The following SLC4A4 variants were observed in gnomAD, a reference collection of about 807,000 sequenced individuals.
SLC4A4 encodes electrogenic sodium bicarbonate cotransporter 1.
In SLC4A4, 27 loss-of-function variants were observed where a neutral mutation model predicts 111.5. The observed-to-expected ratio is 0.24, with a 90% CI of 0.18 to 0.33. SLC4A4 has a LOEUF of 0.33. Among genes scored for constraint, SLC4A4 ranks in the 10% least tolerant of loss-of-function variants. The pLI, the probability that SLC4A4 is intolerant of heterozygous loss-of-function variation, is 1.00. For missense variants in SLC4A4, 909 were observed against 1,315.5 expected (o/e 0.69, Z 4.78); for synonymous variants, 443 against 463.4 (o/e 0.96, Z 0.57).
At chr4:71,323,570 C>G (rs1277216653) in intron 3 of SLC4A4, among the ~76,000 whole-genome samples, 1 of 151,950 alleles carries the variant, frequency 6.6e-6, no homozygotes, top group African/African-American at 2.4e-5. Flanking sequence ...CAGATATGCC[C>G]TGGTGGTTAA....
In SLC4A4 at chr4:71,266,505, A is replaced by G. The variant is rs375851546; in HGVS notation, c.253+11106A>G. Among the ~76,000 whole-genome samples the G allele has an allele frequency of 6.6e-5, 10 of 152,264 alleles. No individual in the cohort carries two copies. The East Asian group carries it at 1.2e-3, about 18-fold the overall frequency. Reference sequence around the variant, plus strand: ...TTTTTGTCACTTTCACTAATTTGTCATCTTCTTAAATGGAAAAATATTTTC... The same window carrying G: ...TTTTTGTCACTTTCACTAATTTGTCGTCTTCTTAAATGGAAAAATATTTTC... On this transcript the variant is annotated intron_variant, in intron 3 of 25. Coordinates refer to ENST00000264485, the MANE Select transcript of SLC4A4 (RefSeq NM_001098484.3).
At chr4:71,496,114 G>A (rs1306687279) in intron 15 of SLC4A4, among the ~76,000 whole-genome samples, 1 of 152,142 alleles carries the variant, frequency 6.6e-6, no homozygotes. Context: ...CACATAAAAT[G>A]TTCAGGCAGA....
chr4:71,273,926 T>C (rs1358431526), intron 3 of SLC4A4, among the ~76,000 whole-genome samples: 1 of 152,152 alleles, frequency 6.6e-6, no homozygotes, highest in African/African-American at 2.4e-5. Flanking sequence ...AGATAATCAA[T>C]ATAAAGTGCT....
intron 15 of SLC4A4, among the ~76,000 whole-genome samples, chr4:71,489,918 G>A (rs1300855700): frequency 6.6e-6 from 1 of 151,720 alleles, no homozygotes; most frequent in Admixed American, 6.6e-5. Context: ...TCTTTTTCAT[G>A]GTGGTAGGGA....
At chr4:71,242,528 G>T (rs1010844777) in intron 2 of SLC4A4, among the ~76,000 whole-genome samples, 2 of 152,074 alleles carry the variant, frequency 1.3e-5, no homozygotes, top group African/African-American at 4.8e-5. Flanking sequence ...AATGGAGCAT[G>T]TCATTCACCT....
chr4:71,106,498 C>T (rs1742923286), intron 2 of SLC4A4, among the ~76,000 whole-genome samples: 1 of 144,848 alleles, frequency 6.9e-6, no homozygotes, highest in Non-Finnish European at 1.5e-5. Flanking sequence ...GCATTATTCA[C>T]AATAGCAAAG....
chr4:71,176,356 A>C (rs1453386006), intron 2 of SLC4A4, among the ~76,000 whole-genome samples: 1 of 152,236 alleles, frequency 6.6e-6, no homozygotes, highest in Non-Finnish European at 1.5e-5. Flanking sequence ...TGAGAGAAGA[A>C]GGCTTCAGGT....
intron 16 of SLC4A4, among the ~76,000 whole-genome samples, chr4:71,516,182 G>T (rs1286575118): frequency 3.2e-5 from 4 of 123,562 alleles, no homozygotes; most frequent in Non-Finnish European, 6.3e-5. Flanking sequence ...TGCAAGCTCT[G>T]CCTCCCGGGT....
At chr4:71,089,146 A>C (rs1742295429) in intron 1 of SLC4A4, among the ~76,000 whole-genome samples, 1 of 151,726 alleles carries the variant, frequency 6.6e-6, no homozygotes, top group South Asian at 2.1e-4. Context: ...CATTTCATTC[A>C]TTTGATCTTG....
intron 7 of SLC4A4, among the ~76,000 whole-genome samples, chr4:71,419,631 T>A (rs1354585544): frequency 6.6e-6 from 1 of 152,244 alleles, no homozygotes; most frequent in East Asian, 1.9e-4. Flanking sequence ...GGGAACTCGC[T>A]GACCCCTTGT....
intron 2 of SLC4A4, among the ~76,000 whole-genome samples, chr4:71,146,032 G>A (rs1166936237): frequency 2.6e-5 from 4 of 151,528 alleles, no homozygotes; most frequent in Non-Finnish European, 5.9e-5. Context: ...TCTTTTAATT[G>A]TGATGTTAGG....
At chr4:71,359,214 T>C (rs1730549616) in intron 6 of SLC4A4, among the ~76,000 whole-genome samples, 1 of 152,228 alleles carries the variant, frequency 6.6e-6, no homozygotes, top group Admixed American at 6.5e-5. Flanking sequence ...TAGATCTCTG[T>C]ACTTGAGAGA....
intron 3 of SLC4A4, among the ~76,000 whole-genome samples, chr4:71,292,400 A>C (rs76801360): frequency 0.032 from 4,878 of 152,168 alleles, 280 homozygotes; most frequent in African/African-American, 0.11. Flanking sequence ...ACTAAGTTCT[A>C]GGAAGTAAGG....
At chr4:71,077,280 C>T (rs1741860689) in intron 1 of SLC4A4, among the ~76,000 whole-genome samples, 2 of 151,812 alleles carry the variant, frequency 1.3e-5, no homozygotes, top group South Asian at 4.2e-4. Context: ...CCTGCCTCAG[C>T]CTCCCGAGTA....
chr4:71,439,796 C>T (rs371090727), intron 7 of SLC4A4, among the ~76,000 whole-genome samples: 1 of 151,526 alleles, frequency 6.6e-6, no homozygotes, highest in Non-Finnish European at 1.5e-5. Context: ...CTCAAATTTA[C>T]GTCTTCCCTC....
In SLC4A4 at chr4:71,563,886, G is replaced by T; in HGVS notation, c.3193G>T (p.Asp1065Tyr). ...TTTCCTAAGCGATAGCAAACCTTCTGACAGTGAGTAGAACTAACCTCTTGC... is the reference window on the plus strand; with the variant it reads ...TTTCCTAAGCGATAGCAAACCTTCTTACAGTGAGTAGAACTAACCTCTTGC... ...QPFLSDSKPSDRERSPTFLER... is the reference protein window; with the variant it reads ...QPFLSDSKPSYRERSPTFLER... The change falls in exon 24 of 26, where the codon GAC becomes TAC. Residue 1065 changes from aspartate to tyrosine, a missense_variant. This residue lies in a region of SLC4A4 where 85 missense variants were observed against 79.8 expected (regional missense o/e 1.07). Transcript: ENST00000264485. 6.3e-7 allele frequency: 1 copy of T among 1,596,276 alleles called. No individual in the cohort carries two copies. The highest frequency in any genetic ancestry group is 8.6e-7 in the Non-Finnish European group (1 of 1,164,652).
chr4:71,565,681 A>G (rs769146320), intron 24 of SLC4A4, among the ~76,000 whole-genome samples: 14 of 151,882 alleles, frequency 9.2e-5, no homozygotes, highest in Non-Finnish European at 1.8e-4. Flanking sequence ...CTGTAAGGAA[A>G]CACGTGAATT....
intron 2 of SLC4A4, among the ~76,000 whole-genome samples, chr4:71,145,852 G>T (rs1389521845): frequency 6.6e-6 from 1 of 151,872 alleles, no homozygotes. Flanking sequence ...TTCTTTATTA[G>T]CCTTGCTAGC....
chr4:71,178,579 T>C (rs891347722), intron 2 of SLC4A4, among the ~76,000 whole-genome samples: 4 of 151,990 alleles, frequency 2.6e-5, no homozygotes, highest in African/African-American at 9.7e-5. Context: ...ATAAACACCT[T>C]TACGCAAATA....
Sources: allele counts gnomAD v4.1 joint callset (sites outside exome capture counted in the v4.1 genomes callset), GRCh38; gene constraint gnomAD v4.1.1; regional missense constraint gnomAD v4.1.1; transcripts MANE v1.5; gene names NCBI Gene and HGNC (gene_info 2026-07-23, HGNC 2026-07-21).